The following DNAJC6 variants were observed in gnomAD, a reference collection of about 807,000 sequenced individuals.
DNAJC6 encodes the protein DnaJ heat shock protein family (Hsp40) member C6.
A neutral mutation model predicts 110.0 loss-of-function variants in DNAJC6; 34 were observed. The ratio of observed to expected loss-of-function variants is 0.31; its 90% CI spans 0.24 to 0.41. The LOEUF (loss-of-function observed/expected upper bound fraction) is 0.41. Ranked by LOEUF, DNAJC6 falls within the 10% of genes least tolerant of loss-of-function variation. DNAJC6 has a pLI of 1.00. For synonymous variants in DNAJC6, 406 were observed against 437.2 expected, an observed-to-expected ratio of 0.93 and a Z score of 0.89; for missense variants, 1,031 against 1,207.8, an observed-to-expected ratio of 0.85 and a Z score of 2.17.
At chr1:65,341,793 G>A (rs555486789) in intron 1 of DNAJC6, among the ~76,000 whole-genome samples, 1 of 152,042 alleles carries the variant, frequency 6.6e-6, no homozygotes, top group Non-Finnish European at 1.5e-5. Flanking sequence ...GTGTGCCTGT[G>A]GGGTGGGTGG....
intron 1 of DNAJC6, among the ~76,000 whole-genome samples, chr1:65,297,869 G>T (rs1216858600): frequency 6.6e-6 from 1 of 152,002 alleles, no homozygotes; most frequent in African/African-American, 2.4e-5. Context: ...GCATTCTGAG[G>T]CACCAGCTGG....
intron 1 of DNAJC6, among the ~76,000 whole-genome samples, chr1:65,311,215 GTTTTTTTTTT>G (rs71056098): frequency 1.0e-4 from 7 of 68,888 alleles, no homozygotes; most frequent in South Asian, 6.8e-4. Flanking sequence ...TTTCAGGACT[GTTTTTTTTTT>G]TTTTTTTTTT....
intron 1 of DNAJC6, among the ~76,000 whole-genome samples, chr1:65,270,748 G>A (rs1366172116): frequency 6.6e-6 from 1 of 152,064 alleles, no homozygotes; most frequent in African/African-American, 2.4e-5. Context: ...GTGCGATCTT[G>A]GCTCGCTGCA....
chr1:65,350,752 G>C (rs1645482824), intron 1 of DNAJC6, among the ~76,000 whole-genome samples: 1 of 152,074 alleles, frequency 6.6e-6, no homozygotes, highest in African/African-American at 2.4e-5. Context: ...AGTGTGATGT[G>C]GCCTTTCTGA....
chr1:65,271,110 T>G (rs1316829173), intron 1 of DNAJC6, among the ~76,000 whole-genome samples: 1 of 152,192 alleles, frequency 6.6e-6, no homozygotes, highest in African/African-American at 2.4e-5. Flanking sequence ...AAAACATTAT[T>G]ATTTTTTCAT....
At chr1:65,354,415 G>T (rs932829061) in intron 1 of DNAJC6, among the ~76,000 whole-genome samples, 1 of 152,186 alleles carries the variant, frequency 6.6e-6, no homozygotes, top group Non-Finnish European at 1.5e-5. Context: ...CCATTTAGTT[G>T]TTTATGGAAA....
chr1:65,393,079 GT>G lies in DNAJC6; in HGVS notation c.1903+217del, dbSNP rs1036790166. 4.3e-4 allele frequency among the ~76,000 whole-genome samples: 65 copies of G among 152,244 alleles called. 1 individual carries two copies. The highest frequency in any genetic ancestry group is 3.4e-3 in the Middle Eastern group (1 of 294). ...ACACTAAGGTAGTGTAAGAGTGGACGTTTGAGCTTCACACTCTTACTTCTAA... is the reference window on the plus strand; with the variant it reads ...ACACTAAGGTAGTGTAAGAGTGGACGTTGAGCTTCACACTCTTACTTCTAA... On this transcript the variant is annotated intron_variant, in intron 12 of 18. Transcript: ENST00000371069.
intron 1 of DNAJC6, among the ~76,000 whole-genome samples, chr1:65,268,708 T>C (rs1324869685): frequency 6.6e-6 from 1 of 152,238 alleles, no homozygotes; most frequent in Non-Finnish European, 1.5e-5. Flanking sequence ...TTAATAAAAT[T>C]GTCAACATTT....
intron 1 of DNAJC6, among the ~76,000 whole-genome samples, chr1:65,282,592 G>A (rs531374283): frequency 6.6e-6 from 1 of 152,304 alleles, no homozygotes; most frequent in African/African-American, 2.4e-5. Context: ...CCAGAAGGAG[G>A]AGGGATGGAT....
At chr1:65,364,826 C>T in intron 2 of DNAJC6, 41 bp downstream of exon 2, 1 of 1,606,224 alleles carries the variant, frequency 6.2e-7, no homozygotes, top group South Asian at 1.1e-5. Context: ...GATCCCCATG[C>T]TCTCAAAGGA....
chr1:65,289,254 G>C (rs1347743384), intron 1 of DNAJC6, among the ~76,000 whole-genome samples: 1 of 152,116 alleles, frequency 6.6e-6, no homozygotes, highest in Non-Finnish European at 1.5e-5. Context: ...GGAGTGCAGT[G>C]GCACGATCTC....
chr1:65,361,900 A>G (rs1260541225), intron 1 of DNAJC6, among the ~76,000 whole-genome samples: 1 of 152,340 alleles, frequency 6.6e-6, no homozygotes, highest in South Asian at 2.1e-4. Flanking sequence ...TAATTGATAC[A>G]CACATTAATT....
chr1:65,289,035 G>A (rs1487021424), intron 1 of DNAJC6, among the ~76,000 whole-genome samples: 2 of 152,114 alleles, frequency 1.3e-5, no homozygotes, highest in African/African-American at 4.8e-5. Context: ...GGTTATATAT[G>A]TTAAAAATTA....
intron 1 of DNAJC6, among the ~76,000 whole-genome samples, chr1:65,297,791 C>T (rs887909475): frequency 6.6e-6 from 1 of 152,188 alleles, no homozygotes; most frequent in Non-Finnish European, 1.5e-5. Flanking sequence ...TGAACCTCCC[C>T]CATTGCTCCT....
chr1:65,302,068 T>C (rs999485425), intron 1 of DNAJC6, among the ~76,000 whole-genome samples: 2 of 141,774 alleles, frequency 1.4e-5, no homozygotes, highest in Non-Finnish European at 3.0e-5. Context: ...GTGGATTTTA[T>C]ATATAATACG....
chr1:65,347,870 A>G (rs1363598111), intron 1 of DNAJC6, among the ~76,000 whole-genome samples: 1 of 152,156 alleles, frequency 6.6e-6, no homozygotes. Context: ...TCTCTGATAT[A>G]TGGTTTTGTA....
intron 1 of DNAJC6, among the ~76,000 whole-genome samples, chr1:65,349,735 C>CTTT (rs1645473989): frequency 6.6e-6 from 1 of 151,716 alleles, no homozygotes; most frequent in African/African-American, 2.4e-5. Flanking sequence ...CTAAGATTTT[C>CTTT]TTTTTCTTTT....
At chr1:65,379,597 G>A in intron 5 of DNAJC6, 73 bp downstream of exon 5, 1 of 1,552,160 alleles carries the variant, frequency 6.4e-7, no homozygotes, top group South Asian at 1.2e-5. Flanking sequence ...CACAATGGTA[G>A]ACAGGTAACA....
At chr1:65,388,474 C>A in intron 9 of DNAJC6, 59 bp downstream of exon 9, 1 of 1,469,912 alleles carries the variant, frequency 6.8e-7, no homozygotes, top group Non-Finnish European at 9.5e-7. Context: ...AGTGCTGAGG[C>A]TCAATGGCAC....
Sources: allele counts gnomAD v4.1 joint callset (sites outside exome capture counted in the v4.1 genomes callset), GRCh38; gene constraint gnomAD v4.1.1; transcripts MANE v1.5; gene names NCBI Gene and HGNC (gene_info 2026-07-23, HGNC 2026-07-21).